Variants in CRYM observed in about 807,000 individuals in gnomAD.
CRYM encodes ketimine reductase mu-crystallin.
Under a neutral mutation model 32.9 loss-of-function variants are expected in CRYM, and 18 were observed. The ratio of observed to expected loss-of-function variants is 0.55; its 90% CI spans 0.38 to 0.81. The LOEUF (loss-of-function observed/expected upper bound fraction) is 0.81, where lower values mean the gene tolerates loss of function less well. CRYM is among the 30% of genes least tolerant of loss of function. CRYM has a pLI of 0.00. For synonymous variants in CRYM, 153 were observed against 152.4 expected, an observed-to-expected ratio of 1.00 and a Z score of -0.03; for missense variants, 337 against 393.5, an observed-to-expected ratio of 0.86 and a Z score of 1.21.
chr16:21,268,585 G>A (rs1597616649), intron 4 of CRYM: 1 of 152,176 alleles, frequency 6.6e-6, no homozygotes, highest in Non-Finnish European at 1.5e-5. Flanking sequence ...CACCAAGCAA[G>A]GTGAAAAACA....
chr16:21,302,528 TCTAAA>T (rs1330387048), intron 1 of CRYM, among the ~76,000 whole-genome samples: 3 of 152,212 alleles, frequency 2.0e-5, no homozygotes, highest in Non-Finnish European at 2.9e-5. Context: ...CAGAACTCAG[TCTAAA>T]CTAACTCTGC....
upstream of CRYM, chr16:21,278,324 C>G: frequency 8.5e-6 from 13 of 1,521,460 alleles, no homozygotes; most frequent in Non-Finnish European, 1.1e-5. Flanking sequence ...CCTTTATGAG[C>G]GCGCCCGCTG....
At chr16:21,271,863 AT>A (rs922131039) in intron 3 of CRYM, among the ~76,000 whole-genome samples, 79 of 147,030 alleles carry the variant, frequency 5.4e-4, no homozygotes, top group East Asian at 2.0e-3. Flanking sequence ...TATTTTTAAA[AT>A]TTTTTTTTTT....
chr16:21,275,780 T>G (rs2093385010), intron 2 of CRYM, among the ~76,000 whole-genome samples, 186 bp from the exon 3 acceptor site: 1 of 152,190 alleles, frequency 6.6e-6, no homozygotes, highest in Non-Finnish European at 1.5e-5. Context: ...CACTTTAATC[T>G]TTAAGCACTG....
Position 21,266,840 on chromosome 16 carries a change from A to G in CRYM, c.673+714T>C, listed in dbSNP as rs191280337. Reference sequence around the variant, plus strand: ...GCCAACATGGTGAAACCTTGTCTCTACCAAAAATTACAAAAAATTAGCTGG... The same window carrying G: ...GCCAACATGGTGAAACCTTGTCTCTGCCAAAAATTACAAAAAATTAGCTGG... On this transcript the variant is annotated intron_variant, in intron 5 of 7. Coordinates refer to ENST00000572914, the MANE Select transcript of CRYM (RefSeq NM_001376256.1). Among the ~76,000 whole-genome samples, 134 of 151,910 alleles carry G rather than the reference A, an allele frequency of 8.8e-4. 1 individual carries two copies. The highest frequency in any genetic ancestry group is 3.1e-3 in the African/African-American group (128 of 41,462).
In CRYM at chr16:21,261,314, C is replaced by T. The variant is rs150970942; in HGVS notation, c.820G>A (p.Glu274Lys). The stretch of plus-strand genomic sequence containing the variant: ...GCTGGTTTCACTCCCTTAATCACTT[C>T]TCCCAGCTCAGCAAAGATCTCGGCC... ...SGAEIFAELG[E>K]VIKGVKPAHC... The change falls in exon 7 of 8, where the codon GAA becomes AAA. Residue 274 changes from glutamate (E) to lysine (K), a missense_variant. Glu to Lys is a moderately conservative substitution (Grantham distance 56, BLOSUM62 1). Transcript: ENST00000572914. 1 of 1,614,108 alleles carries T rather than the reference C, an allele frequency of 6.2e-7. No individual in the cohort carries two copies. Among genetic ancestry groups the T allele is most frequent in the Non-Finnish European group, 8.5e-7 (1 of 1,180,008 alleles).
intron 1 of CRYM, among the ~76,000 whole-genome samples, chr16:21,295,968 A>G (rs1490258180): frequency 2.0e-5 from 3 of 152,126 alleles, no homozygotes; most frequent in Non-Finnish European, 4.4e-5. Context: ...GTTGCACCCC[A>G]TCTCCTATAT....
chr16:21,295,442 T>A (rs1274559384), intron 1 of CRYM, among the ~76,000 whole-genome samples: 4 of 152,188 alleles, frequency 2.6e-5, no homozygotes, highest in Non-Finnish European at 4.4e-5. Flanking sequence ...AGCTTTTTTT[T>A]ATGTGTTTGT....
At chr16:21,274,356 T>C (rs1040012565) in intron 3 of CRYM, among the ~76,000 whole-genome samples, 3 of 152,188 alleles carry the variant, frequency 2.0e-5, no homozygotes, top group Non-Finnish European at 4.4e-5. Context: ...TTGACTCAAA[T>C]GTCACCTTCT....
rs2093371478 is a variant in CRYM at position 21,269,832 on chromosome 16, G to A, written c.447C>T (p.Tyr149=). ...LCILGAGVQA[Y]SHYEIFTEQF... ...GCTCTGTGAAGATCTCATAATGGCT[G>A]TAGGCCTGGACCCCAGCCCCAAGGA... Residue 149 remains tyrosine (Y), a synonymous_variant, in exon 4 of 8, where the codon TAC becomes TAT. Coordinates refer to ENST00000572914, the MANE Select transcript of CRYM (RefSeq NM_001376256.1). 1 of 1,604,020 alleles carries A rather than the reference G, an allele frequency of 6.2e-7. No individual in the cohort carries two copies.
chr16:21,297,915 T>C (rs1960821482), intron 1 of CRYM, among the ~76,000 whole-genome samples: 1 of 152,180 alleles, frequency 6.6e-6, no homozygotes, highest in Non-Finnish European at 1.5e-5. Context: ...ATCACAGAGG[T>C]TAAAAATAAA....
chr16:21,286,484 C>A (rs2093407586), intron 1 of CRYM, among the ~76,000 whole-genome samples: 1 of 151,712 alleles, frequency 6.6e-6, no homozygotes, highest in African/African-American at 2.4e-5. Flanking sequence ...GCCTCGGCCT[C>A]CCAAATTGCT....
intron 1 of CRYM, among the ~76,000 whole-genome samples, chr16:21,291,951 C>T (rs917966574): frequency 6.6e-6 from 1 of 151,972 alleles, no homozygotes; most frequent in Non-Finnish European, 1.5e-5. Flanking sequence ...GTGAATTGTG[C>T]TTTTAGTGCT....
chr16:21,262,170 C>A lies in CRYM; in HGVS notation c.674-12G>T. The A allele has an allele frequency of 1.9e-6, 3 of 1,613,860 alleles. No homozygotes were observed. The highest frequency in any genetic ancestry group is 2.5e-6 in the Non-Finnish European group (3 of 1,179,862). On this transcript the variant is annotated splice_polypyrimidine_tract_variant and intron_variant, in intron 5 of 7. Transcript: ENST00000572914. ...GCTGGCTCCAACAGCTAAGAGACAG[C>A]AAAACAGACCTTAAGCCCAGGATTA...
chr16:21,298,358 T>C (rs1167538620), intron 1 of CRYM, among the ~76,000 whole-genome samples: 1 of 152,240 alleles, frequency 6.6e-6, no homozygotes, highest in African/African-American at 2.4e-5. Context: ...AAATAAGTTA[T>C]ATTCACAAAA....
upstream of CRYM, among the ~76,000 whole-genome samples, chr16:21,282,871 A>C (rs2093400510): frequency 6.6e-6 from 1 of 152,242 alleles, no homozygotes; most frequent in African/African-American, 2.4e-5. Context: ...TCCAATAATA[A>C]GTATTATTAA....
At chr16:21,287,689 A>G (rs1232777862) in intron 1 of CRYM, among the ~76,000 whole-genome samples, 1 of 152,230 alleles carries the variant, frequency 6.6e-6, no homozygotes, top group African/African-American at 2.4e-5. Flanking sequence ...GAACAATGAG[A>G]TCTGGAGAGC....
chr16:21,299,860 T>A (rs1960869069), intron 1 of CRYM: 1 of 152,228 alleles, frequency 6.6e-6, no homozygotes, highest in Non-Finnish European at 1.5e-5. Flanking sequence ...TTTTGGTGAT[T>A]TCAAATTAAG....
At chr16:21,302,296 G>A (rs1326615463) in intron 1 of CRYM, among the ~76,000 whole-genome samples, 1 of 152,174 alleles carries the variant, frequency 6.6e-6, no homozygotes, top group Non-Finnish European at 1.5e-5. Flanking sequence ...AACTATAAGA[G>A]GAAAGGATGC....
Sources: allele counts gnomAD v4.1 joint callset (sites outside exome capture counted in the v4.1 genomes callset), GRCh38; gene constraint gnomAD v4.1.1; transcripts MANE v1.5; gene names NCBI Gene and HGNC (gene_info 2026-07-23, HGNC 2026-07-21).